WDFY4: variants seen among roughly 807,000 people sequenced by gnomAD.
The protein encoded by WDFY4 is WD repeat- and FYVE domain-containing protein 4.
In WDFY4, 169 loss-of-function variants were observed where a neutral mutation model predicts 351.9. That is an observed-to-expected ratio of 0.48 (90% confidence interval 0.42 to 0.55). The LOEUF (loss-of-function observed/expected upper bound fraction) is 0.55, where lower values mean the gene tolerates loss of function less well. WDFY4 is among the 20% of genes least tolerant of loss of function. WDFY4 has a pLI of 0.00. For missense variants in WDFY4, 3,803 were observed against 3,935.6 expected (o/e 0.97, Z 0.90); for synonymous variants, 1,622 against 1,574.6 (o/e 1.03, Z -0.71).
chr10:48,753,537 TG>T (rs1367194434), intron 12 of WDFY4, among the ~76,000 whole-genome samples: 1 of 152,256 alleles, frequency 6.6e-6, no homozygotes, highest in African/African-American at 2.4e-5. Context: ...AGTTAATTTT[TG>T]CATATGGCAA....
intron 47 of WDFY4, among the ~76,000 whole-genome samples, chr10:48,918,912 C>A (rs1317949304): frequency 6.6e-6 from 1 of 152,140 alleles, no homozygotes; most frequent in African/African-American, 2.4e-5. Flanking sequence ...CACTGAGGAG[C>A]AAAATTGCCT....
At chr10:48,743,697 G>T in intron 12 of WDFY4, 149 bp downstream of exon 12, 2 of 938,356 alleles carry the variant, frequency 2.1e-6, no homozygotes, top group Non-Finnish European at 3.1e-6. Flanking sequence ...AATCAAGTTA[G>T]CTCTGACTCC....
intron 24 of WDFY4, among the ~76,000 whole-genome samples, chr10:48,797,163 T>C (rs934429665): frequency 2.0e-5 from 3 of 152,242 alleles, no homozygotes; most frequent in Non-Finnish European, 2.9e-5. Context: ...GTGGAGTGTA[T>C]ATGCTATTTG....
intron 39 of WDFY4, among the ~76,000 whole-genome samples, chr10:48,842,659 T>C (rs1475228331): frequency 6.6e-6 from 1 of 152,238 alleles, no homozygotes; most frequent in Non-Finnish European, 1.5e-5. Flanking sequence ...AGCTAGTTGA[T>C]AAAAATTTCC....
At chr10:48,941,908 C>A in intron 48 of WDFY4, 60 bp downstream of exon 48, 1 of 1,489,722 alleles carries the variant, frequency 6.7e-7, no homozygotes, top group Non-Finnish European at 9.2e-7. Flanking sequence ...ATGGCTCAGG[C>A]CCCAGCGATG....
At chr10:48,780,202 G>GTTTTTGTTGT (rs1466700830) in intron 19 of WDFY4, 83 bp downstream of exon 19, 13 of 1,466,958 alleles carry the variant, frequency 8.9e-6, no homozygotes, top group Middle Eastern at 1.7e-4. Flanking sequence ...TTCATTCTAT[G>GTTTTTGTTGT]TTTTTGTTGT....
rs759195843 is a variant in WDFY4, at chr10:48,743,228, G to T, written c.2139G>T (p.Glu713Asp). The change falls in exon 12 of 62, where the codon GAG (glutamate) becomes GAT (aspartate). Residue 713 changes from glutamate to aspartate, a missense_variant. Around this residue, in one of 3 missense-constraint regions of WDFY4, gnomAD observed 3,054 missense variants for 3,148.6 expected, o/e 0.97. Transcript: ENST00000325239. ...RRNGLFEKLA[E>D]DLCLLGCFGA... is the part of the protein sequence containing the mutation. ...ATGGGCTCTTTGAGAAGCTGGCCGA[G>T]GACCTCTGCCTGCTGGGCTGTTTTG... 40 of 1,551,608 alleles carry T rather than the reference G, an allele frequency of 2.6e-5. No individual in the cohort carries two copies. Among genetic ancestry groups the T allele is most frequent in the Non-Finnish European group, 3.3e-5 (38 of 1,147,004 alleles).
intron 23 of WDFY4, among the ~76,000 whole-genome samples, chr10:48,793,370 A>G (rs1306618122): frequency 6.6e-6 from 1 of 152,248 alleles, no homozygotes; most frequent in Non-Finnish European, 1.5e-5. Context: ...TTCTGTCTTT[A>G]AAAAGGAAAC....
chr10:48,900,331 T>A, intron 46 of WDFY4, 25 bp downstream of exon 46: 2 of 1,532,290 alleles, frequency 1.3e-6, no homozygotes, highest in Non-Finnish European at 1.8e-6. Context: ...ATCCTCCTTC[T>A]GAGGAAACTG....
intron 43 of WDFY4, among the ~76,000 whole-genome samples, chr10:48,880,687 T>C (rs2070209587): frequency 1.3e-5 from 2 of 152,188 alleles, no homozygotes; most frequent in South Asian, 4.1e-4. Context: ...CCCAGAGGAC[T>C]GGGCAGAGTG....
At chr10:48,742,475 A>G (rs1470697883) in intron 11 of WDFY4, among the ~76,000 whole-genome samples, 2 of 152,210 alleles carry the variant, frequency 1.3e-5, no homozygotes. Context: ...TGTACAGTAT[A>G]AGAGATGGTT....
intron 1 of WDFY4, among the ~76,000 whole-genome samples, chr10:48,703,076 T>C (rs2063524822): frequency 6.6e-6 from 1 of 152,244 alleles, no homozygotes; most frequent in Non-Finnish European, 1.5e-5. Flanking sequence ...AATTTGGTTT[T>C]AGATTGTAAG....
chr10:48,792,701 C>A (rs1243093724), intron 23 of WDFY4, among the ~76,000 whole-genome samples: 1 of 152,064 alleles, frequency 6.6e-6, no homozygotes, highest in Non-Finnish European at 1.5e-5. Flanking sequence ...AAAATAAGAA[C>A]CAAAATAATT....
chr10:48,817,475 G>A (rs139978014), intron 32 of WDFY4, 66 bp downstream of exon 32: 102 of 1,458,410 alleles, frequency 7.0e-5, no homozygotes, highest in Non-Finnish European at 9.3e-5. Flanking sequence ...CAAGGGCAAA[G>A]GGCAAAATCC....
chr10:48,823,888 G>A, intron 35 of WDFY4: 6 of 985,760 alleles, frequency 6.1e-6, no homozygotes, highest in Non-Finnish European at 7.2e-6. Context: ...ACATGATAAA[G>A]AAATGAATCC....
At chr10:48,882,664 A>C (rs753161906) in intron 43 of WDFY4, among the ~76,000 whole-genome samples, 1 of 152,188 alleles carries the variant, frequency 6.6e-6, no homozygotes, top group Non-Finnish European at 1.5e-5. Context: ...AGCGCATCAC[A>C]TAGTGAGAGA....
At chr10:48,737,159 G>A (rs1423531496) in intron 11 of WDFY4, among the ~76,000 whole-genome samples, 1 of 152,012 alleles carries the variant, frequency 6.6e-6, no homozygotes. Context: ...ATAGACATGT[G>A]CCACCACGCT....
At chr10:48,742,025 CT>C (rs1329413206) in intron 11 of WDFY4, among the ~76,000 whole-genome samples, 4 of 152,166 alleles carry the variant, frequency 2.6e-5, no homozygotes, top group African/African-American at 9.7e-5. Flanking sequence ...AGTATGAGAA[CT>C]GCTTAAATGT....
At position 48,729,553 on chromosome 10, in the gene WDFY4, C is replaced by A; in HGVS notation, c.1093C>A (p.Gln365Lys). 6.4e-7 allele frequency: 1 copy of A among 1,551,760 alleles called. No individual in the cohort carries two copies. The highest frequency in any genetic ancestry group is 8.7e-7 in the Non-Finnish European group (1 of 1,147,018). ...LKVFDSITYP[Q>K]LEGFKFHHEA... ...GGTGTTTGACAGCATCACTTACCCT[C>A]AGCTTGAAGGCTTCAAGTTCCATCA... Residue 365 changes from glutamine to lysine, a missense_variant, in exon 8 of 62, where the codon CAG becomes AAG. This residue lies in a region of WDFY4 where 488 missense variants were observed against 456.8 expected (regional missense o/e 1.07). Transcript: ENST00000325239.
Sources: gnomAD v4.1 joint callset for allele counts (sites outside exome capture counted in the v4.1 genomes callset) on GRCh38, gnomAD v4.1.1 for gene constraint, gnomAD v4.1.1 regional missense constraint, MANE v1.5 for transcripts, NCBI Gene and HGNC (gene_info 2026-07-23, HGNC 2026-07-21) for gene names.